Variants in DIP2A observed in about 807,000 individuals in gnomAD.
DIP2A encodes the protein DIP2 acetate--CoA ligase A, also known as disco-interacting protein 2 homolog A.
Under a neutral mutation model 177.4 loss-of-function variants are expected in DIP2A, and 85 were observed. That is an observed-to-expected ratio of 0.48 (90% confidence interval 0.40 to 0.57). The LOEUF (loss-of-function observed/expected upper bound fraction) is 0.57. Among genes scored for constraint, DIP2A ranks in the 20% least tolerant of loss-of-function variants. The pLI is 0.00. For synonymous variants in DIP2A, 886 were observed against 881.8 expected, an observed-to-expected ratio of 1.00 and a Z score of -0.08; for missense variants, 1,791 against 2,100.2, an observed-to-expected ratio of 0.85 and a Z score of 2.88.
Position 46,458,897 on chromosome 21 carries a change from G to C in DIP2A, c.-235G>C, listed in dbSNP as rs1302159310. 1 of 218,860 alleles carries C rather than the reference G, an allele frequency of 4.6e-6. No individual in the cohort carries two copies. Among genetic ancestry groups the C allele is most frequent in the Non-Finnish European group, 8.8e-6 (1 of 113,494 alleles). 13.6% of individuals were successfully genotyped at this position (218,860 alleles called of 1,614,324 possible). ...CCGCCGCGCACGCGCTCCCGTGTAG[G>C]GCCGGCCGGGCGCTCAGGAGCGCGC... On this transcript the variant is annotated 5_prime_UTR_variant, in exon 1 of 38. Transcript: ENST00000417564.
chr21:46,576,867 C>A, the DIP2A span, among the ~76,000 whole-genome samples: 2 of 152,184 alleles, frequency 1.3e-5, no homozygotes, highest in Non-Finnish European at 2.9e-5. Context: ...ACTTGCATTT[C>A]TCTAATGATC....
chr21:46,484,750 GT>G lies in DIP2A; in HGVS notation c.92-3del. On this transcript the variant is annotated splice_region_variant and splice_polypyrimidine_tract_variant and intron_variant, in intron 1 of 37. Transcript: ENST00000417564. ...AAATGCAATTCTTTTTTCCATTGTT[GT>G]TTTAGGTGACATCACTCAAAAAGGA... The G allele has an allele frequency of 6.4e-7, 1 of 1,557,460 alleles. No homozygotes were observed. The highest frequency in any genetic ancestry group is 2.3e-5 in the East Asian group (1 of 42,814).
chr21:46,533,788 G>C (rs1222266156), intron 11 of DIP2A, 141 bp downstream of exon 11: 27 of 1,332,388 alleles, frequency 2.0e-5, no homozygotes, highest in South Asian at 5.7e-5. Flanking sequence ...GGTGAATCTC[G>C]GTTTTCATCT....
At position 46,567,422 on chromosome 21, in the gene DIP2A, C is replaced by T. The variant is rs2096781252; in HGVS notation, c.4516C>T (p.Leu1506=). The T allele has an allele frequency of 1.2e-5, 19 of 1,613,812 alleles. No individual in the cohort carries two copies. The highest frequency in any genetic ancestry group is 1.6e-5 in the Non-Finnish European group (19 of 1,179,890). ...LLVVVVELDG[L]EQDALDLVAL... is the part of the protein sequence containing the mutation. ...GGTGGTGGTGGTGGAGCTGGATGGG[C>T]TAGAGCAGGATGCCCTGGACCTGGT... Residue 1506 remains leucine (L), a synonymous_variant, in exon 38 of 38, where the codon CTA becomes TTA. Transcript: ENST00000417564.
chr21:46,540,585 G>C (rs2059773372), intron 17 of DIP2A, among the ~76,000 whole-genome samples: 1 of 152,152 alleles, frequency 6.6e-6, no homozygotes, highest in African/African-American at 2.4e-5. Context: ...CCCACTCCCA[G>C]CTCCATCCTG....
chr21:46,571,054 C>T (rs1314105152), downstream of DIP2A, among the ~76,000 whole-genome samples: 1 of 152,202 alleles, frequency 6.6e-6, no homozygotes, highest in Non-Finnish European at 1.5e-5. Flanking sequence ...TACCAGACCA[C>T]ACAGCAAGAG....
chr21:46,459,477 C>T (rs2054089764), intron 1 of DIP2A, among the ~76,000 whole-genome samples: 1 of 146,456 alleles, frequency 6.8e-6, no homozygotes, highest in Non-Finnish European at 1.5e-5. Context: ...GGGACCCCAG[C>T]ACGACCCCTC....
intron 32 of DIP2A, 52 bp from the exon 33 acceptor site, chr21:46,560,670 A>G: frequency 1.3e-6 from 2 of 1,567,588 alleles, no homozygotes; most frequent in Non-Finnish European, 1.7e-6. Flanking sequence ...TGTAGAAACA[A>G]GATGTTAAGT....
intron 1 of DIP2A, among the ~76,000 whole-genome samples, chr21:46,460,258 G>C (rs2054181999): frequency 6.6e-6 from 1 of 152,166 alleles, no homozygotes. Flanking sequence ...TCTGGCTTCA[G>C]AGGTGGTGGG....
At chr21:46,560,419 C>T (rs925865905) in intron 32 of DIP2A, among the ~76,000 whole-genome samples, 3 of 152,198 alleles carry the variant, frequency 2.0e-5, no homozygotes, top group African/African-American at 7.2e-5. Context: ...GTTTTCATCA[C>T]AGCAAGAGAC....
At chr21:46,518,668 C>T (rs889743546) in intron 8 of DIP2A, among the ~76,000 whole-genome samples, 3 of 152,120 alleles carry the variant, frequency 2.0e-5, no homozygotes, top group African/African-American at 7.2e-5. Flanking sequence ...ACCAGCCTGG[C>T]CAACATGGCA....
At chr21:46,506,892 C>A (rs980680811) in intron 6 of DIP2A, among the ~76,000 whole-genome samples, 34 of 150,566 alleles carry the variant, frequency 2.3e-4, no homozygotes, top group Non-Finnish European at 5.9e-5. Context: ...CATCCACCTC[C>A]CAGGTTCAAG....
In DIP2A at chr21:46,526,642, G is replaced by A. The variant is rs200392562; in HGVS notation, c.1103-2450G>A. 8.5e-5 allele frequency among the ~76,000 whole-genome samples: 13 copies of A among 152,200 alleles called. No homozygotes were observed. The East Asian group carries it at 2.1e-3, about 25-fold the overall frequency. On this transcript the variant is annotated intron_variant, in intron 8 of 37. Coordinates refer to ENST00000417564, the MANE Select transcript of DIP2A (RefSeq NM_015151.4). ...ACGCCTCAGCTCAGGCAATCTGCCCGTCTCAGCCTCCCAAAGTGCCAGGAT... is the reference window on the plus strand; with the variant it reads ...ACGCCTCAGCTCAGGCAATCTGCCCATCTCAGCCTCCCAAAGTGCCAGGAT...
At chr21:46,546,072 G>A (rs2060023514) in intron 20 of DIP2A, 111 bp downstream of exon 20, 1 of 1,573,400 alleles carries the variant, frequency 6.4e-7, no homozygotes, top group Admixed American at 1.8e-5. Context: ...GACCTCCCAT[G>A]TGGCCTTGGT....
rs2060478384 is a variant in DIP2A, at chr21:46,556,645, T to A, written c.3499-294T>A. On this transcript the variant is annotated intron_variant, in intron 29 of 37. Transcript: ENST00000417564. This position sits in a 1 kb window ranked among gnomAD's most constrained non-coding sequence, Gnocchi z 4.5. ...TTGCAGTGAGCCGAGATTGTGCCATTGCACTCCAGCCTGGGCGACAGAGCA... is the reference window on the plus strand; with the variant it reads ...TTGCAGTGAGCCGAGATTGTGCCATAGCACTCCAGCCTGGGCGACAGAGCA... 1 of 376,198 alleles carries A rather than the reference T, an allele frequency of 2.7e-6. No individual in the cohort carries two copies. Among genetic ancestry groups the A allele is most frequent in the South Asian group, 2.4e-5 (1 of 42,006 alleles). 23.3% of individuals were successfully genotyped at this position (376,198 alleles called of 1,614,324 possible).
At chr21:46,493,773 A>G (rs1601495398) in intron 3 of DIP2A, among the ~76,000 whole-genome samples, 1 of 152,332 alleles carries the variant, frequency 6.6e-6, no homozygotes, top group East Asian at 1.9e-4. Context: ...CTGGCCCTAC[A>G]AGCCATTTAA....
intron 31 of DIP2A, 107 bp from the exon 32 acceptor site, chr21:46,558,103 AGGAGGTTGGTGTC>A: frequency 9.9e-7 from 1 of 1,005,440 alleles, no homozygotes; most frequent in Non-Finnish European, 1.4e-6. Flanking sequence ...GCCTGCGGAG[AGGAGGTTGGTGTC>A]CAGCTCCACC....
chr21:46,510,527 C>G (rs1054194263), intron 7 of DIP2A, among the ~76,000 whole-genome samples: 1 of 151,588 alleles, frequency 6.6e-6, no homozygotes, highest in African/African-American at 2.4e-5. Context: ...ACCACTTGGG[C>G]AAATTTTGGT....
At chr21:46,522,725 C>T (rs1484121697) in intron 8 of DIP2A, among the ~76,000 whole-genome samples, 1 of 152,156 alleles carries the variant, frequency 6.6e-6, no homozygotes, top group African/African-American at 2.4e-5. Context: ...CACAGTGCTG[C>T]AAAACAGAGC....
Sources: allele counts gnomAD v4.1 joint callset (sites outside exome capture counted in the v4.1 genomes callset), GRCh38; gene constraint gnomAD v4.1.1; non-coding constraint Gnocchi (gnomAD v3.1); transcripts MANE v1.5; gene names NCBI Gene and HGNC (gene_info 2026-07-23, HGNC 2026-07-21).